ZNF668: variants seen among roughly 807,000 people sequenced by gnomAD.
ZNF668 encodes zinc finger protein 668.
In ZNF668, 10 loss-of-function variants were observed where a neutral mutation model predicts 40.3. That is an observed-to-expected ratio of 0.25 (90% confidence interval 0.15 to 0.42). The LOEUF (loss-of-function observed/expected upper bound fraction) is 0.42, where lower values mean the gene tolerates loss of function less well. Ranked by LOEUF, ZNF668 falls within the 10% of genes least tolerant of loss-of-function variation. The probability of loss-of-function intolerance (pLI) is 1.00; values close to 1 mark genes in which losing one functional copy is unlikely to be tolerated. For synonymous variants in ZNF668, 428 were observed against 384.6 expected, an observed-to-expected ratio of 1.11 and a Z score of -1.32; for missense variants, 749 against 904.6, an observed-to-expected ratio of 0.83 and a Z score of 2.21.
At position 31,062,419 on chromosome 16, in the gene ZNF668, C is replaced by A. The variant is rs1030976822; in HGVS notation, c.648-139G>T. The A allele has an allele frequency of 5.8e-5, 72 of 1,234,606 alleles. No individual in the cohort carries two copies. The Middle Eastern group carries it at 8.2e-4, about 14-fold the overall frequency. 76.5% of individuals were successfully genotyped at this position (1,234,606 alleles called of 1,614,324 possible). A position where few individuals can be genotyped will look rare whatever the true frequency, so the allele number is the denominator to read the frequency against. ...ATCCCCTAAGAGCCACATGGCTGCA[C>A]CCCAGAGGAAGAAGCCTTCAGGCTG... On this transcript the variant is annotated intron_variant, in intron 2 of 2. Transcript: ENST00000300849.
rs538409172 is a variant in ZNF668 at position 31,071,948 on chromosome 16, A to G, written c.-23+1711T>C. 2.0e-5 allele frequency among the ~76,000 whole-genome samples: 3 copies of G among 152,316 alleles called. No homozygotes were observed. In the East Asian group the frequency reaches 5.8e-4, roughly 29 times the overall value. ...TTCATATATTGAAATTCTAACTCTC[A>G]TTGTGACTGTATTTGGAGACAAGGC... On this transcript the variant is annotated intron_variant, in intron 1 of 2. Transcript: ENST00000300849.
chr16:31,071,815 T>C (rs1007949253), intron 1 of ZNF668, among the ~76,000 whole-genome samples: 2 of 152,172 alleles, frequency 1.3e-5, no homozygotes, highest in Non-Finnish European at 2.9e-5. Context: ...AAGCTTACCA[T>C]GGGCAAGGTA....
At position 31,074,087 on chromosome 16, in the gene ZNF668, T is replaced by G. The variant is rs1596762524; in HGVS notation, c.-451A>C. 6.6e-6 allele frequency: 1 copy of G among 152,198 alleles called. No individual in the cohort carries two copies. The highest frequency in any genetic ancestry group is 1.9e-4 in the East Asian group (1 of 5,196). The allele number at this position is 152,198 out of a possible 1,614,324, so 9.4% of individuals were successfully genotyped here. ...TAGCAAGGAGTGGGTTTCACGAAGT[T>G]TTCTCCATCTGCCTTGGGAAAAGTC... On this transcript the variant is annotated 5_prime_UTR_variant, in exon 1 of 3. Coordinates refer to ENST00000300849, the MANE Select transcript of ZNF668 (RefSeq NM_024706.5).
intron 1 of ZNF668, chr16:31,066,221 G>C (rs1026193233): frequency 6.1e-6 from 6 of 985,260 alleles, no homozygotes; most frequent in Non-Finnish European, 7.2e-6. Flanking sequence ...ACTTTCCATG[G>C]CTTCCACCAC....
chr16:31,061,677 A>C lies in ZNF668; in HGVS notation c.1251T>G (p.Ser417Arg). Reference sequence around the variant, plus strand: ...GTGCAGGGGGCACACCCGCGGCCTCACTGCTTCGATGGGTCCGCTCGTGCT... The same window carrying C: ...GTGCAGGGGGCACACCCGCGGCCTCCCTGCTTCGATGGGTCCGCTCGTGCT... The part of the protein sequence containing the change: ...LRKHERTHRS[S>R]EAAGVPPAQE... Residue 417 changes from serine to arginine, a missense_variant, in exon 3 of 3, where the codon AGT becomes AGG. Around this residue, in one of 4 missense-constraint regions of ZNF668, gnomAD observed 310 missense variants for 355.1 expected, o/e 0.87. Transcript: ENST00000300849. This position sits in a 1 kb window ranked among gnomAD's most constrained non-coding sequence, Gnocchi z 7.7. 1 of 1,613,354 alleles carries C rather than the reference A, an allele frequency of 6.2e-7. No homozygotes were observed. The highest frequency in any genetic ancestry group is 8.5e-7 in the Non-Finnish European group (1 of 1,179,864).
rs1309190850 is a variant in ZNF668 at position 31,064,136 on chromosome 16, C to T, written c.324G>A (p.Gly108=). Residue 108 remains glycine (G), a synonymous_variant, in exon 2 of 3, where the codon GGG becomes GGA. Coordinates refer to ENST00000300849, the MANE Select transcript of ZNF668 (RefSeq NM_024706.5). The part of the protein sequence containing the change: ...ELRSHGRSHT[G]EKPFPCPECG... Reference sequence around the variant, plus strand: ...ACTCGGGGCACGGAAAGGGCTTCTCCCCCGTGTGGCTGCGCCCGTGGCTGC... The same window carrying T: ...ACTCGGGGCACGGAAAGGGCTTCTCTCCCGTGTGGCTGCGCCCGTGGCTGC... 3 of 1,607,586 alleles carry T rather than the reference C, an allele frequency of 1.9e-6. No homozygotes were observed. In the African/African-American group the frequency reaches 4.0e-5, roughly 21 times the overall value.
chr16:31,061,108 A>C lies in ZNF668; in HGVS notation c.1820T>G (p.Leu607Arg). The C allele has an allele frequency of 6.7e-7, 1 of 1,502,622 alleles. No individual in the cohort carries two copies. Among genetic ancestry groups the C allele is most frequent in the Non-Finnish European group, 8.9e-7 (1 of 1,128,034 alleles). The allele number at this position is 1,502,622 out of a possible 1,614,324, so 93.1% of individuals were successfully genotyped here. ...PMGTPTPLEP[L>R]VALLGMPEEG... is the part of the protein sequence containing the mutation. ...TTCAGGCATTCCTAGCAAAGCCACC[A>C]GGGGCTCCAGGGGTGTGGGGGTCCC... Residue 607 changes from leucine to arginine, a missense_variant, in exon 3 of 3, where the codon CTG (leucine) becomes CGG (arginine). By Grantham distance (102) the Leu-to-Arg change is moderately radical. Coordinates refer to ENST00000300849, the MANE Select transcript of ZNF668 (RefSeq NM_024706.5). The surrounding 1 kb of genome is among the most constrained non-coding windows in gnomAD (Gnocchi z 7.7).
intron 1 of ZNF668, among the ~76,000 whole-genome samples, chr16:31,066,903 G>A (rs2056984907): frequency 6.6e-6 from 1 of 151,736 alleles, no homozygotes; most frequent in Admixed American, 6.6e-5. Context: ...AAAAATGATA[G>A]CTTGGGCCAG....
intron 1 of ZNF668, among the ~76,000 whole-genome samples, chr16:31,067,669 T>G (rs142955183): frequency 6.6e-6 from 1 of 152,300 alleles, no homozygotes; most frequent in East Asian, 1.9e-4. Flanking sequence ...TTTATTTAAT[T>G]TAATGTCTTA....
At chr16:31,064,729 C>T in intron 1 of ZNF668, 5 of 1,514,744 alleles carry the variant, frequency 3.3e-6, no homozygotes, top group South Asian at 1.2e-5. Context: ...ACCTACACGT[C>T]CCCCCCCGCC....
At position 31,064,450 on chromosome 16, in the gene ZNF668, C is replaced by T. The variant is rs1022042266; in HGVS notation, c.10G>A (p.Glu4Lys). 1 of 1,610,520 alleles carries T rather than the reference C, an allele frequency of 6.2e-7. No individual in the cohort carries two copies. The highest frequency in any genetic ancestry group is 8.5e-7 in the Non-Finnish European group (1 of 1,179,838). Reference sequence around the variant, plus strand: ...GCTGGGGACCGGGCCTCTGCAGCCTCCACTTCCATGGCCTTGGTGAACGGG... The same window carrying T: ...GCTGGGGACCGGGCCTCTGCAGCCTTCACTTCCATGGCCTTGGTGAACGGG... MEV[E>K]AAEARSPAPG... The change falls in exon 2 of 3, where the codon GAG (glutamate) becomes AAG (lysine). Residue 4 changes from glutamate (E) to lysine (K), a missense_variant. By Grantham distance (56) the Glu-to-Lys change is moderately conservative. Coordinates refer to ENST00000300849, the MANE Select transcript of ZNF668 (RefSeq NM_024706.5).
chr16:31,061,052 TGG>T lies in ZNF668; in HGVS notation c.*14_*15del. On this transcript the variant is annotated 3_prime_UTR_variant, in exon 3 of 3. Transcript: ENST00000300849. The surrounding 1 kb of genome is among the most constrained non-coding windows in gnomAD (Gnocchi z 7.7). ...GGGCTGGGCTCCCGGAGTGTGGTGC[TGG>T]GGGGTCATGGGCTTCAGGCCGGCCC... 1 of 1,482,162 alleles carries T rather than the reference TGG, an allele frequency of 6.7e-7. No individual in the cohort carries two copies. The highest frequency in any genetic ancestry group is 2.4e-5 in the East Asian group (1 of 40,956). The allele number at this position is 1,482,162 out of a possible 1,614,324, so 91.8% of individuals were successfully genotyped here.
In ZNF668 at chr16:31,061,266, A is replaced by G. The variant is rs1441919355; in HGVS notation, c.1662T>C (p.Ser554=). The change falls in exon 3 of 3, where the codon TCT becomes TCC. Residue 554 remains serine (S), a synonymous_variant. Coordinates refer to ENST00000300849, the MANE Select transcript of ZNF668 (RefSeq NM_024706.5). The surrounding 1 kb of genome is among the most constrained non-coding windows in gnomAD (Gnocchi z 7.7). ...TGTGTTTGCGCAGCCCAGCCCGGTC[A>G]GAGAAGCTCTTGCCGCACTGGGTGC... is the stretch of plus-strand genomic sequence containing the variant. The part of the protein sequence containing the change: ...FPCTQCGKSF[S]DRAGLRKHSR... 6 of 1,551,134 alleles carry G rather than the reference A, an allele frequency of 3.9e-6. No homozygotes were observed. The South Asian group carries it at 7.5e-5, about 19-fold the overall frequency.
intron 2 of ZNF668, among the ~76,000 whole-genome samples, chr16:31,063,284 C>T (rs1446361575): frequency 6.6e-6 from 1 of 152,060 alleles, no homozygotes; most frequent in Non-Finnish European, 1.5e-5. Flanking sequence ...AAGTGTACAT[C>T]CCCACGCTCG....
At chr16:31,063,725 A>G (rs1487000788) in intron 2 of ZNF668, 88 bp downstream of exon 2, 1 of 1,372,362 alleles carries the variant, frequency 7.3e-7, no homozygotes, top group African/African-American at 1.5e-5. Context: ...GGCTCACTTT[A>G]CCCTGAGACT....
At chr16:31,068,220 T>TAAAAAAAAAAAAAAAAAA (rs767511878) in intron 1 of ZNF668, among the ~76,000 whole-genome samples, 1 of 9,378 alleles carries the variant, frequency 1.1e-4, no homozygotes, top group Non-Finnish European at 2.2e-4. Context: ...ATCCCACCAT[T>TAAAAAAAAAAAAAAAAAA]AAAAAAAAAA....
intron 1 of ZNF668, 80 bp from the exon 2 acceptor site, chr16:31,064,561 G>A (rs1169188968): frequency 3.2e-6 from 5 of 1,584,132 alleles, no homozygotes; most frequent in Admixed American, 3.5e-5. Context: ...TATCTCATCT[G>A]CATTTCTCAC....
chr16:31,063,563 T>C (rs1359495359), intron 2 of ZNF668, among the ~76,000 whole-genome samples: 1 of 151,892 alleles, frequency 6.6e-6, no homozygotes, highest in Admixed American at 6.6e-5. Context: ...CCCGCCCCCT[T>C]TCCAGCTGGC....
Position 31,063,899 on chromosome 16 carries a change from C to T in ZNF668, c.561G>A (p.Arg187=). 1 of 1,593,874 alleles carries T rather than the reference C, an allele frequency of 6.3e-7. No individual in the cohort carries two copies. Among genetic ancestry groups the T allele is most frequent in the Non-Finnish European group, 8.5e-7 (1 of 1,170,820 alleles). The part of the protein sequence containing the change: ...FADPSVFRKH[R]RTHAGLRPYS... The stretch of plus-strand genomic sequence containing the variant: ...AGGGCCGCAGGCCAGCGTGAGTACG[C>T]CGGTGCTTGCGGAACACTGAAGGGT... Residue 187 remains arginine (R), a synonymous_variant, in exon 2 of 3, where the codon CGG becomes CGA. Coordinates refer to ENST00000300849, the MANE Select transcript of ZNF668 (RefSeq NM_024706.5).
Sources: allele counts gnomAD v4.1 joint callset (sites outside exome capture counted in the v4.1 genomes callset), GRCh38; gene constraint gnomAD v4.1.1; regional missense constraint gnomAD v4.1.1; non-coding constraint Gnocchi (gnomAD v3.1); transcripts MANE v1.5; gene names NCBI Gene and HGNC (gene_info 2026-07-23, HGNC 2026-07-21).